LPP: variants seen among roughly 807,000 people sequenced by gnomAD.
The protein encoded by LPP is LIM domain containing preferred translocation partner in lipoma, also known as lipoma-preferred partner.
A neutral mutation model predicts 60.4 loss-of-function variants in LPP; 38 were observed. The ratio of observed to expected loss-of-function variants is 0.63; its 90% CI spans 0.49 to 0.83. The LOEUF (loss-of-function observed/expected upper bound fraction) is 0.83, where lower values mean the gene tolerates loss of function less well. Ranked by LOEUF, LPP falls within the 40% of genes least tolerant of loss-of-function variation. The pLI is 0.00. For missense variants in LPP, 902 were observed against 783.6 expected (o/e 1.15, Z -1.80); for synonymous variants, 328 against 290.8 (o/e 1.13, Z -1.30).
intron 6 of LPP, among the ~76,000 whole-genome samples, chr3:188,556,168 G>T (rs1829417052): frequency 6.6e-6 from 1 of 152,080 alleles, no homozygotes; most frequent in African/African-American, 2.4e-5. Context: ...ACTCTTCTGA[G>T]CTATTTGCTC....
intron 6 of LPP, among the ~76,000 whole-genome samples, chr3:188,529,625 C>T (rs780879208): frequency 2.0e-5 from 3 of 152,132 alleles, no homozygotes; most frequent in Non-Finnish European, 2.9e-5. Flanking sequence ...TTTCCGCTCC[C>T]AAATTTTCTG....
At chr3:188,523,187 A>G (rs935352296) in intron 5 of LPP, among the ~76,000 whole-genome samples, 1 of 152,088 alleles carries the variant, frequency 6.6e-6, no homozygotes, top group African/African-American at 2.4e-5. Flanking sequence ...GATTACAGGC[A>G]TGAGCCACCG....
intron 6 of LPP, among the ~76,000 whole-genome samples, chr3:188,545,102 G>A (rs1826217616): frequency 1.0e-5 from 1 of 98,020 alleles, no homozygotes; most frequent in Admixed American, 1.1e-4. Flanking sequence ...TGGGGACTGT[G>A]GTGGGGTCGG....
At chr3:188,306,404 T>C (rs1412633387) in intron 2 of LPP, among the ~76,000 whole-genome samples, 1 of 152,128 alleles carries the variant, frequency 6.6e-6, no homozygotes, top group Non-Finnish European at 1.5e-5. Context: ...ATTGTGATCA[T>C]GGAAAGTACC....
At chr3:188,611,363 A>G (rs1010225666) in intron 7 of LPP, among the ~76,000 whole-genome samples, 1 of 152,244 alleles carries the variant, frequency 6.6e-6, no homozygotes, top group African/African-American at 2.4e-5. Flanking sequence ...TGTCCATAAT[A>G]GCCAATCTGG....
At chr3:188,726,276 A>T (rs960331636) in intron 8 of LPP, among the ~76,000 whole-genome samples, 1 of 152,168 alleles carries the variant, frequency 6.6e-6, no homozygotes, top group Non-Finnish European at 1.5e-5. Flanking sequence ...GAAGGGTTTC[A>T]AAGGGGCGTA....
At chr3:188,396,559 A>G (rs1780996041) in intron 3 of LPP, among the ~76,000 whole-genome samples, 1 of 152,252 alleles carries the variant, frequency 6.6e-6, no homozygotes, top group Admixed American at 6.5e-5. Context: ...AGAAGATGCT[A>G]GATAACCGTT....
chr3:188,539,006 C>T (rs1824413777), intron 6 of LPP, among the ~76,000 whole-genome samples: 1 of 152,002 alleles, frequency 6.6e-6, no homozygotes, highest in Non-Finnish European at 1.5e-5. Flanking sequence ...TTGCCAGTGG[C>T]CAGGGGGAGG....
chr3:188,817,078 G>C (rs1752667673), intron 9 of LPP, among the ~76,000 whole-genome samples: 2 of 152,208 alleles, frequency 1.3e-5, no homozygotes, highest in Non-Finnish European at 2.9e-5. Flanking sequence ...TTGGCTCCTT[G>C]AAAAGGCAGG....
At chr3:188,799,975 G>C (rs1577634408) in intron 9 of LPP, among the ~76,000 whole-genome samples, 1 of 152,168 alleles carries the variant, frequency 6.6e-6, no homozygotes, top group East Asian at 1.9e-4. Flanking sequence ...CTATATACGT[G>C]CGTATGTATA....
intron 2 of LPP, among the ~76,000 whole-genome samples, chr3:188,246,820 T>A (rs1453774276): frequency 6.6e-6 from 1 of 152,188 alleles, no homozygotes; most frequent in Non-Finnish European, 1.5e-5. Flanking sequence ...ACACAAAATA[T>A]CTTGTTCGAA....
In LPP at chr3:188,495,753, A is replaced by G. The variant is rs192411927; in HGVS notation, c.306+11049A>G. On this transcript the variant is annotated intron_variant, in intron 5 of 11. Transcript: ENST00000617246. ...TACGAAAGCCCTATTGGGCCCACAA[A>G]TCTTTCGGTTCTTTTGTAATTTACA... 5.3e-3 allele frequency among the ~76,000 whole-genome samples: 805 copies of G among 152,212 alleles called. 33 individuals carry two copies. The highest frequency in any genetic ancestry group is 0.049 in the Admixed American group (753 of 15,286).
chr3:188,601,089 C>CTGCATTCCTGCTTTTAGT (rs1382113685), intron 6 of LPP, among the ~76,000 whole-genome samples: 1 of 152,066 alleles, frequency 6.6e-6, no homozygotes, highest in African/African-American at 2.4e-5. Context: ...GTACAAATAG[C>CTGCATTCCTGCTTTTAGT]TGCATTCCTG....
intron 9 of LPP, among the ~76,000 whole-genome samples, chr3:188,765,861 CTTTTTTTTTTT>C (rs71169019): frequency 4.3e-5 from 4 of 92,628 alleles, no homozygotes; most frequent in Admixed American, 2.6e-4. Context: ...ATGTTCAACT[CTTTTTTTTTTT>C]TTTTTTTTTT....
intron 2 of LPP, among the ~76,000 whole-genome samples, chr3:188,271,346 T>C (rs892903943): frequency 6.6e-6 from 1 of 152,220 alleles, no homozygotes; most frequent in Non-Finnish European, 1.5e-5. Flanking sequence ...TGCAGACTTT[T>C]AATGACCTTG....
At chr3:188,281,698 A>G (rs1287425619) in intron 2 of LPP, among the ~76,000 whole-genome samples, 1 of 151,142 alleles carries the variant, frequency 6.6e-6, no homozygotes, top group Non-Finnish European at 1.5e-5. Context: ...GCAACTTTCC[A>G]AACTCCTTTC....
At chr3:188,556,074 G>A (rs1292571344) in intron 6 of LPP, among the ~76,000 whole-genome samples, 1 of 152,086 alleles carries the variant, frequency 6.6e-6, no homozygotes, top group Non-Finnish European at 1.5e-5. Context: ...CCACACCATT[G>A]GATCAAATGC....
intron 3 of LPP, among the ~76,000 whole-genome samples, chr3:188,356,343 C>T (rs1053818854): frequency 3.9e-5 from 6 of 152,096 alleles, no homozygotes; most frequent in Admixed American, 1.3e-4. Flanking sequence ...TCTGTGCCTC[C>T]GTGTCTTCTG....
In LPP at chr3:188,352,423, C is replaced by T. The variant is rs563826774; in HGVS notation, c.-10+10704C>T. Among the ~76,000 whole-genome samples the T allele has an allele frequency of 1.9e-3, 285 of 152,236 alleles. 1 individual carries two copies. The highest frequency in any genetic ancestry group is 6.8e-3 in the Middle Eastern group (2 of 294). ...CTGAAGGAGTCGCTGACCTTCCCCA[C>T]AATAGAAGCTGTTGATGTGGTCACG... On this transcript the variant is annotated intron_variant, in intron 3 of 11. Transcript: ENST00000617246. The surrounding 1 kb of genome is among the most constrained non-coding windows in gnomAD (Gnocchi z 4.4).
Sources: gnomAD v4.1 joint callset for allele counts (sites outside exome capture counted in the v4.1 genomes callset) on GRCh38, gnomAD v4.1.1 for gene constraint, Gnocchi (gnomAD v3.1) non-coding constraint, MANE v1.5 for transcripts, NCBI Gene and HGNC (gene_info 2026-07-23, HGNC 2026-07-21) for gene names.